LOC128125817: variants seen among roughly 807,000 people sequenced by gnomAD.
At chr1:41,601,675 C>A in the LOC128125817 span, among the ~76,000 whole-genome samples, 3 of 152,008 alleles carry the variant, frequency 2.0e-5, no homozygotes, top group Non-Finnish European at 4.4e-5. Flanking sequence ...ATTATTTTGT[C>A]TGCAAACAGG....
chr1:41,593,313 TG>T, the LOC128125817 span, among the ~76,000 whole-genome samples: 2 of 152,184 alleles, frequency 1.3e-5, no homozygotes, highest in African/African-American at 4.8e-5. Context: ...ATCTGCGACT[TG>T]TTTTTTTTCT....
the LOC128125817 span, among the ~76,000 whole-genome samples, chr1:41,588,735 C>A: frequency 6.6e-6 from 1 of 152,154 alleles, no homozygotes; most frequent in Non-Finnish European, 1.5e-5. Flanking sequence ...GCAGAGTGAG[C>A]GAGGCCTGTG....
At chr1:41,628,196 T>C in the LOC128125817 span, among the ~76,000 whole-genome samples, 3 of 152,162 alleles carry the variant, frequency 2.0e-5, no homozygotes, top group African/African-American at 4.8e-5. Flanking sequence ...CCAAGAATCA[T>C]TGCCCCAACC....
At chr1:41,596,120 G>A in the LOC128125817 span, among the ~76,000 whole-genome samples, 1 of 152,112 alleles carries the variant, frequency 6.6e-6, no homozygotes, top group Non-Finnish European at 1.5e-5. Context: ...ACTGGGAGGT[G>A]TTTCCACACG....
the LOC128125817 span, among the ~76,000 whole-genome samples, chr1:41,609,573 A>G: frequency 6.6e-6 from 1 of 152,372 alleles, no homozygotes; most frequent in South Asian, 2.1e-4. Flanking sequence ...CCATCCTCTA[A>G]GGTTGCTCAA....
chr1:41,615,103 T>A, the LOC128125817 span, among the ~76,000 whole-genome samples: 1 of 152,218 alleles, frequency 6.6e-6, no homozygotes, highest in Non-Finnish European at 1.5e-5. Context: ...AATAATGCCA[T>A]CGTATTGTAT....
the LOC128125817 span, among the ~76,000 whole-genome samples, chr1:41,603,635 C>T: frequency 2.0e-5 from 3 of 152,312 alleles, no homozygotes; most frequent in South Asian, 4.1e-4. Flanking sequence ...GCTGGGATTA[C>T]AGGTGTGAGC....
the LOC128125817 span, among the ~76,000 whole-genome samples, chr1:41,611,731 C>T: frequency 6.6e-6 from 1 of 152,238 alleles, no homozygotes; most frequent in Non-Finnish European, 1.5e-5. Flanking sequence ...CTGGCTTTCT[C>T]CCACTGTCCT....
chr1:41,599,403 G>C, the LOC128125817 span, among the ~76,000 whole-genome samples: 3 of 152,172 alleles, frequency 2.0e-5, no homozygotes, highest in Non-Finnish European at 4.4e-5. Flanking sequence ...TCATAAAGGA[G>C]AGAAGCTAAA....
At chr1:41,599,637 A>G in the LOC128125817 span, among the ~76,000 whole-genome samples, 2 of 152,218 alleles carry the variant, frequency 1.3e-5, no homozygotes, top group African/African-American at 4.8e-5. Flanking sequence ...CTCTTAGAAA[A>G]CATAAGGAAG....
At chr1:41,597,450 TCTGA>T in the LOC128125817 span, among the ~76,000 whole-genome samples, 10 of 152,350 alleles carry the variant, frequency 6.6e-5, no homozygotes, top group South Asian at 1.9e-3. Flanking sequence ...GCAAATGAAC[TCTGA>T]CTATGTGCCA....
At chr1:41,619,001 G>A in the LOC128125817 span, among the ~76,000 whole-genome samples, 4 of 152,068 alleles carry the variant, frequency 2.6e-5, no homozygotes, top group African/African-American at 9.7e-5. Flanking sequence ...AGCTGGCCTC[G>A]GGCTGCTGCC....
At chr1:41,613,267 C>A in the LOC128125817 span, among the ~76,000 whole-genome samples, 1 of 152,272 alleles carries the variant, frequency 6.6e-6, no homozygotes, top group East Asian at 1.9e-4. Flanking sequence ...CCAGCCCAGG[C>A]CACTCACAGC....
At chr1:41,588,302 C>T in the LOC128125817 span, among the ~76,000 whole-genome samples, 2 of 152,142 alleles carry the variant, frequency 1.3e-5, no homozygotes, top group African/African-American at 4.8e-5. Context: ...AGAGCAGCCC[C>T]AAAACACCAG....
the LOC128125817 span, among the ~76,000 whole-genome samples, chr1:41,593,191 T>C: frequency 8.5e-4 from 129 of 152,302 alleles, no homozygotes; most frequent in Admixed American, 1.6e-3. Flanking sequence ...TGCAGAATTG[T>C]ACCATCCTTG....
the LOC128125817 span, among the ~76,000 whole-genome samples, chr1:41,598,255 G>T: frequency 1.3e-5 from 2 of 152,200 alleles, no homozygotes; most frequent in Middle Eastern, 3.2e-3. Context: ...CTGATCTCTT[G>T]TCAGTTTCTG....
the LOC128125817 span, among the ~76,000 whole-genome samples, chr1:41,588,645 T>C: frequency 5.9e-5 from 9 of 151,922 alleles, no homozygotes; most frequent in Admixed American, 2.6e-4. Flanking sequence ...GGACATGGTG[T>C]TTCTCCAAGC....
the LOC128125817 span, among the ~76,000 whole-genome samples, chr1:41,610,199 G>T: frequency 6.6e-6 from 1 of 152,102 alleles, no homozygotes; most frequent in Non-Finnish European, 1.5e-5. Flanking sequence ...TACACAATTG[G>T]TTCTGTTTCT....
At chr1:41,593,057 C>T in the LOC128125817 span, among the ~76,000 whole-genome samples, 1 of 152,226 alleles carries the variant, frequency 6.6e-6, no homozygotes, top group Non-Finnish European at 1.5e-5. Flanking sequence ...TGGGTTCCTA[C>T]CCCTAGTTTT....
Sources: gnomAD v4.1 joint callset for allele counts (sites outside exome capture counted in the v4.1 genomes callset) on GRCh38, gnomAD v4.1.1 for gene constraint, MANE v1.5 for transcripts.